DLGAP2: variants seen among roughly 807,000 people sequenced by gnomAD.
DLGAP2 encodes the protein DLG associated protein 2.
Under a neutral mutation model 100.3 loss-of-function variants are expected in DLGAP2, and 26 were observed. The ratio of observed to expected loss-of-function variants is 0.26; its 90% confidence interval spans 0.19 to 0.36. The LOEUF (loss-of-function observed/expected upper bound fraction) is 0.36. DLGAP2 is among the 10% of genes least tolerant of loss of function. The probability of loss-of-function intolerance (pLI) is 1.00; values close to 1 mark genes in which losing one functional copy is unlikely to be tolerated. For missense variants in DLGAP2, 1,858 were observed against 1,453.2 expected, an observed-to-expected ratio of 1.28 and a Z score of -4.53; for synonymous variants, 886 against 630.1, an observed-to-expected ratio of 1.41 and a Z score of -6.08.
At chr8:1,138,854 A>C (rs777351123) in intron 2 of DLGAP2, among the ~76,000 whole-genome samples, 47 of 144,554 alleles carry the variant, frequency 3.3e-4, no homozygotes, top group Middle Eastern at 3.8e-3. Flanking sequence ...GCTGGTGGGA[A>C]ACTCTTCCTG....
intron 6 of DLGAP2, among the ~76,000 whole-genome samples, chr8:1,568,792 C>T (rs1447896397): frequency 1.8e-4 from 22 of 119,410 alleles, no homozygotes; most frequent in Admixed American, 3.4e-4. Flanking sequence ...CGTCTCTGCC[C>T]GTGGCCCCCA....
chr8:1,626,511 C>T (rs1029988840), intron 6 of DLGAP2, among the ~76,000 whole-genome samples: 6 of 149,774 alleles, frequency 4.0e-5, no homozygotes, highest in African/African-American at 1.2e-4. Context: ...ACGGTCGTTC[C>T]CATCTCTACC....
rs1324460636 is a variant in DLGAP2 at position 1,194,781 on chromosome 8, C to T, written c.74-64070C>T. The stretch of plus-strand genomic sequence containing the variant: ...CCTGAAGTTTGGAACCCTCTGTTCC[C>T]TACAGAAGTCTCTTATCGTCCTCTC... On this transcript the variant is annotated intron_variant, in intron 2 of 14. Coordinates refer to ENST00000637795, the MANE Select transcript of DLGAP2 (RefSeq NM_001346810.2). Among the ~76,000 whole-genome samples, 4 of 152,208 alleles carry T rather than the reference C, an allele frequency of 2.6e-5. No homozygotes were observed. The East Asian group carries it at 7.7e-4, about 29-fold the overall frequency.
chr8:1,093,828 C>T (rs1448281579), intron 2 of DLGAP2, among the ~76,000 whole-genome samples: 2 of 152,274 alleles, frequency 1.3e-5, no homozygotes, highest in African/African-American at 2.4e-5. Flanking sequence ...GCTTCTGGCT[C>T]TAGGAATATT....
intron 3 of DLGAP2, among the ~76,000 whole-genome samples, chr8:1,267,829 G>C (rs1334701951): frequency 1.3e-5 from 2 of 151,980 alleles, no homozygotes; most frequent in Non-Finnish European, 2.9e-5. Context: ...GGTTCTATGG[G>C]AATTCTGAGC....
intron 4 of DLGAP2, among the ~76,000 whole-genome samples, chr8:1,546,909 G>A (rs1801558658): frequency 6.6e-6 from 1 of 152,156 alleles, no homozygotes; most frequent in African/African-American, 2.4e-5. Flanking sequence ...TTGGACAAAC[G>A]TGTGGGGGGA....
intron 1 of DLGAP2, among the ~76,000 whole-genome samples, chr8:774,408 C>G (rs1393103468): frequency 2.0e-5 from 3 of 152,194 alleles, no homozygotes; most frequent in Non-Finnish European, 4.4e-5. Context: ...GCGTTTTAGA[C>G]ATGAAGTCCT....
intron 1 of DLGAP2, among the ~76,000 whole-genome samples, chr8:849,255 G>C (rs770107844): frequency 2.0e-5 from 3 of 152,210 alleles, no homozygotes; most frequent in African/African-American, 7.2e-5. Context: ...CGTGGTGCAC[G>C]TTGCAGCATA....
At chr8:1,600,483 A>G (rs2956945) in intron 6 of DLGAP2, among the ~76,000 whole-genome samples, 111,602 of 152,058 alleles carry the variant, frequency 0.73, 41,243 homozygotes, top group East Asian at 0.92. Context: ...GCTTGGTTCC[A>G]TTCTCCCCGT....
chr8:1,171,712 C>A (rs1424496749), intron 2 of DLGAP2, among the ~76,000 whole-genome samples: 2 of 151,784 alleles, frequency 1.3e-5, no homozygotes, highest in Non-Finnish European at 2.9e-5. Context: ...CAACCCCTGC[C>A]TTTTTTTGTT....
chr8:1,605,779 G>A (rs1796778043), intron 6 of DLGAP2, among the ~76,000 whole-genome samples: 1 of 152,172 alleles, frequency 6.6e-6, no homozygotes, highest in Admixed American at 6.5e-5. Flanking sequence ...GAAGTAAACT[G>A]TTGACTCATT....
chr8:1,247,390 C>T (rs1288404750), intron 2 of DLGAP2, among the ~76,000 whole-genome samples: 2 of 136,082 alleles, frequency 1.5e-5, no homozygotes, highest in African/African-American at 2.9e-5. Context: ...TGTTGGTGGC[C>T]GGGAAGACCT....
At chr8:1,551,752 C>T (rs1171987819) in intron 5 of DLGAP2, among the ~76,000 whole-genome samples, 1 of 152,140 alleles carries the variant, frequency 6.6e-6, no homozygotes, top group Non-Finnish European at 1.5e-5. Context: ...ACAGATACAA[C>T]TGTAAATATG....
intron 2 of DLGAP2, among the ~76,000 whole-genome samples, chr8:1,126,925 G>T (rs771142056): frequency 6.6e-6 from 1 of 151,690 alleles, no homozygotes; most frequent in African/African-American, 2.4e-5. Context: ...GCCCTCGCTT[G>T]TGCCGGCCTT....
chr8:1,552,901 T>G (rs1236419959), intron 5 of DLGAP2, among the ~76,000 whole-genome samples: 3 of 152,236 alleles, frequency 2.0e-5, no homozygotes, highest in Non-Finnish European at 4.4e-5. Context: ...CACGTTATTC[T>G]TTCACAAAGC....
At chr8:746,378 G>A (rs1417465199) in intron 1 of DLGAP2, among the ~76,000 whole-genome samples, 2 of 152,226 alleles carry the variant, frequency 1.3e-5, no homozygotes, top group Non-Finnish European at 2.9e-5. Context: ...TGCAGGCTGC[G>A]GATGAGGAAA....
chr8:825,860 T>C (rs1008678209), intron 1 of DLGAP2, among the ~76,000 whole-genome samples: 1 of 152,258 alleles, frequency 6.6e-6, no homozygotes, highest in Non-Finnish European at 1.5e-5. Flanking sequence ...TCAATTATAC[T>C]CTTTTAGTTA....
intron 5 of DLGAP2, among the ~76,000 whole-genome samples, chr8:1,555,357 G>C (rs1404309172): frequency 6.6e-6 from 1 of 152,160 alleles, no homozygotes; most frequent in Non-Finnish European, 1.5e-5. Context: ...AGCCACGTGT[G>C]CCTGCCCCCC....
At chr8:1,165,763 A>G (rs1357409285) in intron 2 of DLGAP2, among the ~76,000 whole-genome samples, 1 of 152,174 alleles carries the variant, frequency 6.6e-6, no homozygotes, top group African/African-American at 2.4e-5. Flanking sequence ...TAGGAACTCT[A>G]AAATTTTACA....
Sources: allele counts gnomAD v4.1 joint callset (sites outside exome capture counted in the v4.1 genomes callset), GRCh38; gene constraint gnomAD v4.1.1; transcripts MANE v1.5; gene names NCBI Gene and HGNC (gene_info 2026-07-23, HGNC 2026-07-21).